Variants in EPN2 observed in about 807,000 individuals in gnomAD.
EPN2 encodes epsin-2.
Under a neutral mutation model 61.7 loss-of-function variants are expected in EPN2, and 34 were observed. The ratio of observed to expected loss-of-function variants is 0.55; its 90% CI spans 0.42 to 0.73. The LOEUF (loss-of-function observed/expected upper bound fraction) is 0.73, where lower values mean the gene tolerates loss of function less well. EPN2 is among the 30% of genes least tolerant of loss of function. EPN2 has a pLI of 0.00. For missense variants in EPN2, 714 were observed against 839.2 expected (o/e 0.85, Z 1.84); for synonymous variants, 349 against 353.6 (o/e 0.99, Z 0.15).
intron 4 of EPN2, among the ~76,000 whole-genome samples, chr17:19,303,051 C>T (rs1206431672): frequency 6.6e-6 from 1 of 152,228 alleles, no homozygotes; most frequent in African/African-American, 2.4e-5. Context: ...AGTCGCTTTC[C>T]TGGGTGGAAG....
intron 4 of EPN2, among the ~76,000 whole-genome samples, chr17:19,293,675 G>A (rs1018632828): frequency 5.3e-5 from 8 of 151,422 alleles, no homozygotes; most frequent in Non-Finnish European, 1.2e-4. Flanking sequence ...TTACAGGCAT[G>A]CAGGCACAAG....
rs541684685 is a variant in EPN2 at position 19,265,414 on chromosome 17, C to T, written c.-293-16541C>T. The stretch of plus-strand genomic sequence containing the variant: ...AAAAGAACGTCTAGGAAGTTACATG[C>T]GGTCTCACACAAAGGTGTCTGAACT... On this transcript the variant is annotated intron_variant, in intron 1 of 10. Coordinates refer to ENST00000314728, the MANE Select transcript of EPN2 (RefSeq NM_014964.5). Among the ~76,000 whole-genome samples the T allele has an allele frequency of 1.6e-4, 24 of 151,170 alleles. No homozygotes were observed. The East Asian group carries it at 3.9e-3, about 25-fold the overall frequency.
chr17:19,277,944 G>A (rs945289672), intron 1 of EPN2, among the ~76,000 whole-genome samples: 12 of 151,926 alleles, frequency 7.9e-5, no homozygotes, highest in Admixed American at 5.9e-4. Flanking sequence ...GTGGTGGTGG[G>A]TGCCTGTAGT....
At chr17:19,251,023 C>T (rs2045009808) in intron 1 of EPN2, among the ~76,000 whole-genome samples, 2 of 152,144 alleles carry the variant, frequency 1.3e-5, no homozygotes, top group Non-Finnish European at 2.9e-5. Flanking sequence ...TTCCTTGTCT[C>T]TTGTCCCCTC....
At chr17:19,303,381 T>G (rs1171546091) in intron 4 of EPN2, among the ~76,000 whole-genome samples, 1 of 152,210 alleles carries the variant, frequency 6.6e-6, no homozygotes, top group Non-Finnish European at 1.5e-5. Flanking sequence ...CCAGGCTGAG[T>G]CTGGCCATCC....
chr17:19,330,060 C>T (rs771042914), intron 9 of EPN2, among the ~76,000 whole-genome samples: 51 of 152,196 alleles, frequency 3.4e-4, no homozygotes, highest in Non-Finnish European at 6.3e-4. Context: ...CCCAGGTGAC[C>T]GCTCCAGCCC....
At chr17:19,248,884 G>T (rs752204633) in intron 1 of EPN2, among the ~76,000 whole-genome samples, 10 of 152,218 alleles carry the variant, frequency 6.6e-5, no homozygotes, top group Non-Finnish European at 1.3e-4. Context: ...AACCAGAGAA[G>T]GCTTCGAGGA....
intron 1 of EPN2, among the ~76,000 whole-genome samples, chr17:19,251,988 A>G (rs1364434646): frequency 6.6e-6 from 1 of 152,164 alleles, no homozygotes; most frequent in African/African-American, 2.4e-5. Flanking sequence ...AAGTTTGTGT[A>G]CAAAACAAAG....
At chr17:19,294,550 T>G (rs147440956) in intron 4 of EPN2, among the ~76,000 whole-genome samples, 18 of 152,390 alleles carry the variant, frequency 1.2e-4, no homozygotes, top group African/African-American at 4.3e-4. Flanking sequence ...AACAAACTAT[T>G]GTTTATAAAC....
intron 4 of EPN2, among the ~76,000 whole-genome samples, chr17:19,299,536 A>G (rs1272266544): frequency 6.6e-6 from 1 of 152,232 alleles, no homozygotes; most frequent in Non-Finnish European, 1.5e-5. Context: ...AAGCAGCAGG[A>G]AGCTCAGGGA....
Position 19,263,370 on chromosome 17 carries a change from C to T in EPN2, c.-293-18585C>T, listed in dbSNP as rs565187956. Among the ~76,000 whole-genome samples the T allele has an allele frequency of 5.9e-5, 9 of 152,254 alleles. No homozygotes were observed. The South Asian group carries it at 6.2e-4, about 11-fold the overall frequency. ...GTGGTTTTGTTTGGACAAGTCATTC[C>T]GGAAAGCGTTCACTAGTAAGGAGGG... On this transcript the variant is annotated intron_variant, in intron 1 of 10. Coordinates refer to ENST00000314728, the MANE Select transcript of EPN2 (RefSeq NM_014964.5).
chr17:19,270,859 C>T (rs553066522), intron 1 of EPN2, among the ~76,000 whole-genome samples: 8 of 152,216 alleles, frequency 5.3e-5, no homozygotes, highest in Admixed American at 2.6e-4. Flanking sequence ...GGTGCTGGTT[C>T]GTGTGGAGCA....
intron 9 of EPN2, among the ~76,000 whole-genome samples, chr17:19,331,400 G>A (rs1192012062): frequency 6.6e-6 from 1 of 152,088 alleles, no homozygotes; most frequent in Admixed American, 6.6e-5. Context: ...TACCGGCCTG[G>A]CTCAGCACAG....
At position 19,254,094 on chromosome 17, in the gene EPN2, C is replaced by T. The variant is rs551434912; in HGVS notation, c.-294+16563C>T. On this transcript the variant is annotated intron_variant, in intron 1 of 10. Coordinates refer to ENST00000314728, the MANE Select transcript of EPN2 (RefSeq NM_014964.5). ...TAGCAGTGAGCCATGATCACGCCAC[C>T]GTACTCCAGCCTGGGCGACAGAGCA... Among the ~76,000 whole-genome samples, 97 of 145,182 alleles carry T rather than the reference C, an allele frequency of 6.7e-4. 2 individuals are homozygous for T. In the South Asian group the frequency reaches 0.021, roughly 31 times the overall value.
intron 1 of EPN2, among the ~76,000 whole-genome samples, chr17:19,281,268 C>A (rs932329204): frequency 1.3e-5 from 2 of 152,210 alleles, no homozygotes; most frequent in African/African-American, 4.8e-5. Flanking sequence ...TGGTAACCAG[C>A]CCCATCCTGA....
rs771526848 is a variant in EPN2 at position 19,329,561 on chromosome 17, G to C, written c.1325G>C (p.Gly442Ala). The C allele has an allele frequency of 2.2e-5, 36 of 1,606,356 alleles. No homozygotes were observed. Among genetic ancestry groups the C allele is most frequent in the Non-Finnish European group, 3.1e-5 (36 of 1,173,780 alleles). ...VSTTKPVSVSGSFELFSNLNG... is the reference protein window; with the variant it reads ...VSTTKPVSVSASFELFSNLNG... ...GTCATTGGCTTCTGTGTCCACCCAG[G>C]GTCCTTTGAGCTCTTCAGTAATCTG... is the stretch of plus-strand genomic sequence containing the variant. The change falls in exon 9 of 11, where the codon GGG becomes GCG. Residue 442 changes from glycine to alanine, a missense_variant and splice_region_variant. By Grantham distance (60) the Gly-to-Ala change is moderately conservative. Around this residue, in one of 2 missense-constraint regions of EPN2, gnomAD observed 410 missense variants for 421.8 expected, o/e 0.97. Transcript: ENST00000314728.
intron 1 of EPN2, among the ~76,000 whole-genome samples, chr17:19,263,506 G>A (rs2045165762): frequency 6.6e-6 from 1 of 152,166 alleles, no homozygotes; most frequent in Non-Finnish European, 1.5e-5. Flanking sequence ...AACAGAGAAG[G>A]GCAACCACAT....
rs375784287 is a variant in EPN2 at position 19,313,200 on chromosome 17, G to A, written c.1068G>A (p.Pro356=). 7.3e-5 allele frequency: 117 copies of A among 1,611,626 alleles called. 1 individual carries two copies. Among genetic ancestry groups the A allele is most frequent in the African/African-American group, 1.1e-4 (8 of 74,746 alleles). Reference sequence around the variant, plus strand: ...CCCAGAAAGCAGAGCCCTGGGGCCCGTCAGCCTCCACTAACCAGACCAACC... The same window carrying A: ...CCCAGAAAGCAGAGCCCTGGGGCCCATCAGCCTCCACTAACCAGACCAACC... ...PAAQKAEPWG[P]SASTNQTNPW... The change falls in exon 7 of 11, where the codon CCG becomes CCA. Residue 356 remains proline (P), a synonymous_variant. Transcript: ENST00000314728.
chr17:19,259,611 T>TGAGTATTGG (rs1252401881), intron 1 of EPN2, among the ~76,000 whole-genome samples: 1 of 152,094 alleles, frequency 6.6e-6, no homozygotes, highest in African/African-American at 2.4e-5. Flanking sequence ...AGCGCCCGGC[T>TGAGTATTGG]GAGTATTGGG....
Sources: gnomAD v4.1 joint callset for allele counts (sites outside exome capture counted in the v4.1 genomes callset) on GRCh38, gnomAD v4.1.1 for gene constraint, gnomAD v4.1.1 regional missense constraint, MANE v1.5 for transcripts, NCBI Gene and HGNC (gene_info 2026-07-23, HGNC 2026-07-21) for gene names.